Variants in LDLRAD4 observed in about 807,000 individuals in gnomAD.
The protein encoded by LDLRAD4 is low-density lipoprotein receptor class A domain-containing protein 4.
A neutral mutation model predicts 17.0 loss-of-function variants in LDLRAD4; 5 were observed. That is an observed-to-expected ratio of 0.29 (90% CI 0.15 to 0.62). The LOEUF is 0.62. LDLRAD4 is among the 20% of genes least tolerant of loss of function. LDLRAD4 has a pLI of 0.84. For missense variants in LDLRAD4, 340 were observed against 424.7 expected (o/e 0.80, Z 1.75); for synonymous variants, 168 against 171.8 (o/e 0.98, Z 0.17).
chr18:13,316,775 A>G (rs34640317), intron 1 of LDLRAD4, among the ~76,000 whole-genome samples: 425 of 152,334 alleles, frequency 2.8e-3, no homozygotes, highest in Non-Finnish European at 4.1e-3. Flanking sequence ...TAAAATACTA[A>G]TAATGCATGA....
rs776986870 is a variant in LDLRAD4 at position 13,568,145 on chromosome 18, T to C, written c.182-52972T>C. On this transcript the variant is annotated intron_variant, in intron 3 of 5. Transcript: ENST00000359446. ...CCTGTCTCTACTAAAAACACAAATA[T>C]TAGACAGGTGTGGTGATGTGTGCCT... Among the ~76,000 whole-genome samples the C allele has an allele frequency of 5.9e-5, 9 of 152,008 alleles. No individual in the cohort carries two copies. In the South Asian group the frequency reaches 1.5e-3, roughly 25 times the overall value.
At chr18:13,437,813 G>T (rs561500443) in intron 2 of LDLRAD4, among the ~76,000 whole-genome samples, 2 of 152,218 alleles carry the variant, frequency 1.3e-5, no homozygotes, top group Non-Finnish European at 2.9e-5. Context: ...TTAAGCCAGC[G>T]CTCCTGAGTT....
intron 1 of LDLRAD4, among the ~76,000 whole-genome samples, chr18:13,284,721 G>T (rs1263418520): frequency 6.6e-6 from 1 of 152,120 alleles, no homozygotes; most frequent in Non-Finnish European, 1.5e-5. Context: ...GTGCGGTTTG[G>T]GGGGCAGTGC....
chr18:13,575,601 G>A (rs1289014284), intron 3 of LDLRAD4, among the ~76,000 whole-genome samples: 1 of 152,172 alleles, frequency 6.6e-6, no homozygotes. Flanking sequence ...GGGATTACTG[G>A]ATCAAATGGT....
At chr18:13,563,724 C>G (rs1354032694) in intron 3 of LDLRAD4, among the ~76,000 whole-genome samples, 1 of 152,112 alleles carries the variant, frequency 6.6e-6, no homozygotes, top group Non-Finnish European at 1.5e-5. Context: ...CACTTAAGTG[C>G]CTGGCAAATG....
intron 3 of LDLRAD4, among the ~76,000 whole-genome samples, chr18:13,559,563 CATAT>C (rs1030444689): frequency 1.3e-5 from 2 of 152,022 alleles, no homozygotes; most frequent in African/African-American, 4.8e-5. Flanking sequence ...CACATGTACA[CATAT>C]ATATGACAAA....
At chr18:13,519,385 T>C (rs2093918814) in intron 3 of LDLRAD4, among the ~76,000 whole-genome samples, 1 of 152,224 alleles carries the variant, frequency 6.6e-6, no homozygotes, top group African/African-American at 2.4e-5. Flanking sequence ...TCTTTCCCTG[T>C]CTGCCTTGGG....
chr18:13,561,908 TAAAAGAAAAACC>T (rs1253754995), intron 3 of LDLRAD4: 1 of 152,160 alleles, frequency 6.6e-6, no homozygotes, highest in African/African-American at 2.4e-5. Context: ...AGAGAAAACC[TAAAAGAAAAACC>T]AAACATGTTC....
chr18:13,598,049 C>T (rs186455931), intron 3 of LDLRAD4, among the ~76,000 whole-genome samples: 25 of 152,284 alleles, frequency 1.6e-4, no homozygotes, highest in Non-Finnish European at 1.2e-4. Context: ...CTATTGCCTG[C>T]TTTATTTCCT....
intron 3 of LDLRAD4, among the ~76,000 whole-genome samples, chr18:13,588,941 T>TC (rs1434930805): frequency 6.6e-6 from 1 of 150,846 alleles, no homozygotes; most frequent in Non-Finnish European, 1.5e-5. Flanking sequence ...TTCTTTTTTT[T>TC]TTTTTGAGAC....
intron 3 of LDLRAD4, among the ~76,000 whole-genome samples, chr18:13,595,855 G>A (rs1159290146): frequency 6.6e-6 from 1 of 152,194 alleles, no homozygotes; most frequent in Non-Finnish European, 1.5e-5. Context: ...GTAGACTAGA[G>A]TGTTCTATAG....
chr18:13,522,937 G>A (rs895343929), intron 3 of LDLRAD4: 5 of 152,232 alleles, frequency 3.3e-5, no homozygotes, highest in Non-Finnish European at 7.3e-5. Context: ...GCTCCCACCT[G>A]TCATTCCAGC....
intron 1 of LDLRAD4, among the ~76,000 whole-genome samples, chr18:13,251,568 A>G (rs1264489454): frequency 6.6e-6 from 1 of 152,240 alleles, no homozygotes; most frequent in African/African-American, 2.4e-5. Flanking sequence ...TATTGTTTCT[A>G]TAGACAAACA....
chr18:13,263,821 G>A (rs888341828), intron 1 of LDLRAD4, among the ~76,000 whole-genome samples: 1 of 152,178 alleles, frequency 6.6e-6, no homozygotes, highest in Non-Finnish European at 1.5e-5. Context: ...CCACCTGACT[G>A]CATTGCTGTC....
intron 3 of LDLRAD4, chr18:13,526,103 GCACTGTTATAAGCAAA>G (rs1468875778): frequency 6.6e-6 from 1 of 152,094 alleles, no homozygotes; most frequent in Non-Finnish European, 1.5e-5. Flanking sequence ...GAATTTTATG[GCACTGTTATAAGCAAA>G]CACTCCCATA....
At chr18:13,493,374 T>C (rs2093398485) in intron 3 of LDLRAD4, among the ~76,000 whole-genome samples, 1 of 152,192 alleles carries the variant, frequency 6.6e-6, no homozygotes, top group Non-Finnish European at 1.5e-5. Flanking sequence ...AAGGGACTTG[T>C]TAAATCATGG....
At chr18:13,386,371 CTA>C (rs1275252753) in intron 1 of LDLRAD4, among the ~76,000 whole-genome samples, 1 of 106,224 alleles carries the variant, frequency 9.4e-6, no homozygotes, top group African/African-American at 3.7e-5. Context: ...TATTATTATT[CTA>C]TTTTTTTTTT....
At chr18:13,640,298 A>AAAAAG (rs2042433176) in intron 4 of LDLRAD4, among the ~76,000 whole-genome samples, 1 of 151,516 alleles carries the variant, frequency 6.6e-6, no homozygotes, top group Non-Finnish European at 1.5e-5. Context: ...ATCTCAAAAA[A>AAAAAG]AAAAAAAAAA....
intron 3 of LDLRAD4, among the ~76,000 whole-genome samples, chr18:13,575,366 GTCTCCATCCAGGTTGC>G (rs1275669495): frequency 6.6e-6 from 1 of 152,274 alleles, no homozygotes; most frequent in East Asian, 1.9e-4. Flanking sequence ...TAGAATAATA[GTCTCCATCCAGGTTGC>G]TGCAAATGCC....
Sources: gnomAD v4.1 joint callset for allele counts (sites outside exome capture counted in the v4.1 genomes callset) on GRCh38, gnomAD v4.1.1 for gene constraint, MANE v1.5 for transcripts, NCBI Gene and HGNC (gene_info 2026-07-23, HGNC 2026-07-21) for gene names.